EYA2: variants seen among roughly 807,000 people sequenced by gnomAD.
The protein encoded by EYA2 is protein phosphatase EYA2.
EYA2 carries 31 observed loss-of-function variants against 69.2 expected under a neutral mutation model. The observed-to-expected ratio is 0.45, with a 90% CI of 0.34 to 0.60. The LOEUF is 0.60. Among genes scored for constraint, EYA2 ranks in the 20% least tolerant of loss-of-function variants. EYA2 has a pLI of 0.02. For missense variants in EYA2, 622 were observed against 701.2 expected (o/e 0.89, Z 1.28); for synonymous variants, 257 against 279.4 (o/e 0.92, Z 0.80).
chr20:47,047,322 C>T (rs566345760), intron 5 of EYA2, among the ~76,000 whole-genome samples: 13 of 152,172 alleles, frequency 8.5e-5, no homozygotes, highest in Admixed American at 3.9e-4. Context: ...GGGCAGGTCA[C>T]GCAGAGGAGT....
At chr20:47,063,356 A>G (rs755051889) in intron 5 of EYA2, among the ~76,000 whole-genome samples, 1 of 145,984 alleles carries the variant, frequency 6.9e-6, no homozygotes, top group Non-Finnish European at 1.5e-5. Flanking sequence ...ATTTGGCATA[A>G]TGTTTTTTGG....
intron 1 of EYA2, among the ~76,000 whole-genome samples, chr20:46,984,649 C>T (rs906023139): frequency 2.0e-5 from 3 of 152,130 alleles, no homozygotes; most frequent in Admixed American, 6.6e-5. Context: ...TAGAATGGCA[C>T]AGGAGTTATG....
At chr20:46,976,329 A>G (rs1305386464) in intron 1 of EYA2, among the ~76,000 whole-genome samples, 1 of 152,206 alleles carries the variant, frequency 6.6e-6, no homozygotes, top group African/African-American at 2.4e-5. Context: ...AGGCAACACA[A>G]CAAGGCCCTG....
chr20:46,949,407 C>T (rs78452650), intron 1 of EYA2, among the ~76,000 whole-genome samples: 2,149 of 152,250 alleles, frequency 0.014, 25 homozygotes, highest in Non-Finnish European at 0.021. Context: ...ACAGTCAAGA[C>T]TTTCAGGTAA....
At chr20:47,032,593 G>A (rs554630812) in intron 5 of EYA2, among the ~76,000 whole-genome samples, 1 of 152,106 alleles carries the variant, frequency 6.6e-6, no homozygotes, top group Non-Finnish European at 1.5e-5. Context: ...ATGTCTCGGA[G>A]ATCTCTCAAA....
At chr20:46,981,336 C>G (rs1980822336) in intron 1 of EYA2, among the ~76,000 whole-genome samples, 1 of 152,186 alleles carries the variant, frequency 6.6e-6, no homozygotes, top group Non-Finnish European at 1.5e-5. Flanking sequence ...TGTTCACATT[C>G]CTATACTCTG....
At chr20:47,178,969 A>G (rs2034479964) in intron 12 of EYA2, among the ~76,000 whole-genome samples, 1 of 151,596 alleles carries the variant, frequency 6.6e-6, no homozygotes, top group Non-Finnish European at 1.5e-5. Flanking sequence ...AAATATAGAA[A>G]TAAAAATGGT....
chr20:47,115,906 T>G (rs2032877842), intron 9 of EYA2, among the ~76,000 whole-genome samples: 1 of 152,202 alleles, frequency 6.6e-6, no homozygotes, highest in Non-Finnish European at 1.5e-5. Context: ...CCAGCACTGC[T>G]GCAGCCTCCT....
chr20:47,042,196 G>A (rs368941483), intron 5 of EYA2, among the ~76,000 whole-genome samples: 21 of 152,162 alleles, frequency 1.4e-4, no homozygotes, highest in African/African-American at 2.4e-4. Flanking sequence ...TTATTATCAC[G>A]TCTATTTTAT....
At chr20:47,176,053 C>T (rs923719543) in intron 12 of EYA2, among the ~76,000 whole-genome samples, 7 of 149,690 alleles carry the variant, frequency 4.7e-5, no homozygotes, top group Non-Finnish European at 8.9e-5. Flanking sequence ...AGACCATCAA[C>T]AAGTGAGCAA....
intron 5 of EYA2, among the ~76,000 whole-genome samples, chr20:47,042,947 A>T (rs1985160146): frequency 6.6e-6 from 1 of 152,160 alleles, no homozygotes; most frequent in South Asian, 2.1e-4. Context: ...GATCATTTTT[A>T]CCTGGGTACA....
At chr20:46,927,983 A>G (rs1985491034) in intron 1 of EYA2, among the ~76,000 whole-genome samples, 5 of 152,216 alleles carry the variant, frequency 3.3e-5, no homozygotes, top group Admixed American at 3.3e-4. Context: ...AATAACAGAT[A>G]ATACTCATGT....
In EYA2 at chr20:46,973,162, C is replaced by G. The variant is rs75638990; in HGVS notation, c.-10-16839C>G. On this transcript the variant is annotated intron_variant, in intron 1 of 15. Transcript: ENST00000327619. ...ACAAATTCCAGAGCATTGCTGCCCTCCCCCAAATTACTCTGAACCTAATCA... is the reference window on the plus strand; with the variant it reads ...ACAAATTCCAGAGCATTGCTGCCCTGCCCCAAATTACTCTGAACCTAATCA... Among the ~76,000 whole-genome samples the G allele has an allele frequency of 2.8e-4, 43 of 152,274 alleles. No homozygotes were observed. The East Asian group carries it at 5.0e-3, about 18-fold the overall frequency.
At position 46,932,006 on chromosome 20, in the gene EYA2, G is replaced by C. The variant is rs555055687; in HGVS notation, c.-11+37019G>C. Among the ~76,000 whole-genome samples the C allele has an allele frequency of 1.2e-4, 18 of 150,934 alleles. No homozygotes were observed. In the East Asian group the frequency reaches 3.5e-3, roughly 29 times the overall value. Reference sequence around the variant, plus strand: ...TGAAATTTACACAGGGTGCCAGCCCGGCAGCCAGAAAAGCCACAGGACCGT... The same window carrying C: ...TGAAATTTACACAGGGTGCCAGCCCCGCAGCCAGAAAAGCCACAGGACCGT... On this transcript the variant is annotated intron_variant, in intron 1 of 15. Transcript: ENST00000327619.
At chr20:47,117,386 C>G in intron 9 of EYA2, 1 of 985,440 alleles carries the variant, frequency 1.0e-6, no homozygotes, top group Non-Finnish European at 1.2e-6. Context: ...GCCCCGAATT[C>G]ACCTGGTGTT....
At chr20:46,947,538 A>T (rs1315794588) in intron 1 of EYA2, among the ~76,000 whole-genome samples, 1 of 152,220 alleles carries the variant, frequency 6.6e-6, no homozygotes. Context: ...GATCAGCTTG[A>T]TGATGCTGTG....
intron 1 of EYA2, among the ~76,000 whole-genome samples, chr20:46,916,334 T>C (rs568281033): frequency 1.1e-4 from 16 of 152,284 alleles, no homozygotes; most frequent in African/African-American, 3.9e-4. Flanking sequence ...TATGTGAATA[T>C]GTGAATGTAT....
At chr20:46,988,207 G>A (rs947359464) in intron 1 of EYA2, among the ~76,000 whole-genome samples, 7 of 150,036 alleles carry the variant, frequency 4.7e-5, no homozygotes, top group African/African-American at 9.8e-5. Context: ...TGTCCATGGC[G>A]GGGGGCGGGG....
At chr20:47,082,877 T>C (rs886759318) in intron 7 of EYA2, among the ~76,000 whole-genome samples, 7 of 151,796 alleles carry the variant, frequency 4.6e-5, no homozygotes, top group Non-Finnish European at 1.5e-5. Context: ...AATAGACAAA[T>C]AAATCAATGG....
Sources: gnomAD v4.1 joint callset for allele counts (sites outside exome capture counted in the v4.1 genomes callset) on GRCh38, gnomAD v4.1.1 for gene constraint, MANE v1.5 for transcripts, NCBI Gene and HGNC (gene_info 2026-07-23, HGNC 2026-07-21) for gene names.